The following MAP2K1 variants were observed in gnomAD, a reference collection of about 807,000 sequenced individuals.
MAP2K1 encodes the protein mitogen-activated protein kinase kinase 1.
MAP2K1 carries 16 observed loss-of-function variants against 46.3 expected under a neutral mutation model. The observed-to-expected ratio is 0.35, with a 90% CI of 0.23 to 0.52. MAP2K1 has a LOEUF of 0.52. Ranked by LOEUF, MAP2K1 falls within the 20% of genes least tolerant of loss-of-function variation. The pLI is 0.94. For synonymous variants in MAP2K1, 183 were observed against 185.6 expected (o/e 0.99, Z 0.11); for missense variants, 263 against 497.1 (o/e 0.53, Z 4.48).
intron 1 of MAP2K1, among the ~76,000 whole-genome samples, chr15:66,432,711 G>A (rs377703101): frequency 4.6e-5 from 7 of 152,338 alleles, no homozygotes; most frequent in Admixed American, 2.0e-4. Flanking sequence ...AGATAATATA[G>A]CATCATGGTT....
At chr15:66,471,699 A>G (rs1892636057) in intron 5 of MAP2K1, among the ~76,000 whole-genome samples, 1 of 152,164 alleles carries the variant, frequency 6.6e-6, no homozygotes, top group Admixed American at 6.6e-5. Flanking sequence ...CAGGAAGGAT[A>G]GAAATACAGC....
chr15:66,428,321 TG>T, intron 1 of MAP2K1, among the ~76,000 whole-genome samples: 2 of 89,930 alleles, frequency 2.2e-5, no homozygotes, highest in South Asian at 3.9e-4. Flanking sequence ...TGTGTGTGTG[TG>T]TGTATGAGAG....
intron 1 of MAP2K1, among the ~76,000 whole-genome samples, chr15:66,426,968 TGCC>T (rs1455005212): frequency 2.6e-5 from 4 of 152,240 alleles, no homozygotes; most frequent in Admixed American, 1.3e-4. Context: ...TGTTACTTCT[TGCC>T]TGCATATAAA....
rs1567003067 is a variant in MAP2K1, at chr15:66,420,777, GTGTATATA to G, written c.81-14248_81-14241del. On this transcript the variant is annotated intron_variant, in intron 1 of 10. Coordinates refer to ENST00000307102, the MANE Select transcript of MAP2K1 (RefSeq NM_002755.4). Reference sequence around the variant, plus strand: ...TGTGTGTGTATGTGTGTATATATATGTGTATATATATGTGTGTATATATATGTGTATAT... The same window carrying G: ...TGTGTGTGTATGTGTGTATATATATGTATGTGTGTATATATATGTGTATAT... Among the ~76,000 whole-genome samples, 3 of 31,426 alleles carry G rather than the reference GTGTATATA, an allele frequency of 9.5e-5. 1 individual carries two copies. The highest frequency in any genetic ancestry group is 4.9e-4 in the Admixed American group (1 of 2,026). The allele number at this position is 31,426 out of a possible 152,430, so 20.6% of individuals were successfully genotyped here.
chr15:66,487,733 C>T (rs773627603), intron 8 of MAP2K1, among the ~76,000 whole-genome samples: 1 of 152,066 alleles, frequency 6.6e-6, no homozygotes, highest in Non-Finnish European at 1.5e-5. Flanking sequence ...AGGATTAGTT[C>T]GTCGCTGCTT....
chr15:66,424,064 AT>A (rs55863611), intron 1 of MAP2K1, among the ~76,000 whole-genome samples: 9 of 147,686 alleles, frequency 6.1e-5, no homozygotes, highest in Admixed American at 3.4e-4. Context: ...TGTCTTGTGC[AT>A]TTTTTTTTTG....
intron 5 of MAP2K1, among the ~76,000 whole-genome samples, chr15:66,458,975 G>A (rs1021465727): frequency 2.6e-5 from 4 of 152,100 alleles, no homozygotes; most frequent in African/African-American, 9.7e-5. Context: ...TAAAAACGGG[G>A]CTCTCAGGTC....
At chr15:66,419,704 CTG>C (rs948538056) in intron 1 of MAP2K1, among the ~76,000 whole-genome samples, 2 of 151,794 alleles carry the variant, frequency 1.3e-5, no homozygotes, top group Non-Finnish European at 2.9e-5. Context: ...AGAGGCTCCT[CTG>C]TGTGTGTGTA....
At chr15:66,408,697 C>G (rs2093403934) in intron 1 of MAP2K1, among the ~76,000 whole-genome samples, 1 of 152,122 alleles carries the variant, frequency 6.6e-6, no homozygotes, top group South Asian at 2.1e-4. Flanking sequence ...ATCCAGACAT[C>G]TTCCTCAGTG....
At chr15:66,403,593 A>G (rs1481718187) in intron 1 of MAP2K1, among the ~76,000 whole-genome samples, 2 of 152,146 alleles carry the variant, frequency 1.3e-5, no homozygotes, top group East Asian at 3.8e-4. Flanking sequence ...TCTTAAATGC[A>G]TTTACTTTTC....
chr15:66,466,068 C>T (rs911237025), intron 5 of MAP2K1, among the ~76,000 whole-genome samples: 1 of 152,130 alleles, frequency 6.6e-6, no homozygotes, highest in African/African-American at 2.4e-5. Context: ...TCTTTACTTA[C>T]CACAGGCCAA....
In MAP2K1 at chr15:66,481,813, T is replaced by G; in HGVS notation, c.627T>G (p.Phe209Leu). ...GTGGGGAGATCAAGCTCTGTGACTTTGGGGTCAGCGGGCAGCTCATCGACT... is the reference window on the plus strand; with the variant it reads ...GTGGGGAGATCAAGCTCTGTGACTTGGGGGTCAGCGGGCAGCTCATCGACT... ...NSRGEIKLCD[F>L]GVSGQLIDSM... The change falls in exon 6 of 11, where the codon TTT becomes TTG. Residue 209 changes from phenylalanine (F) to leucine (L), a missense_variant. Around this residue, in one of 4 missense-constraint regions of MAP2K1, gnomAD observed 11 missense variants for 52.6 expected, o/e 0.21. Coordinates refer to ENST00000307102, the MANE Select transcript of MAP2K1 (RefSeq NM_002755.4). The G allele has an allele frequency of 6.2e-7, 1 of 1,613,954 alleles. No individual in the cohort carries two copies.
At chr15:66,400,023 A>C (rs1424764344) in intron 1 of MAP2K1, among the ~76,000 whole-genome samples, 1 of 152,106 alleles carries the variant, frequency 6.6e-6, no homozygotes, top group Admixed American at 6.5e-5. Context: ...TATTCACTAA[A>C]TCTACTTTAT....
chr15:66,461,126 T>G (rs530999128), intron 5 of MAP2K1, among the ~76,000 whole-genome samples: 1 of 152,196 alleles, frequency 6.6e-6, no homozygotes, highest in Non-Finnish European at 1.5e-5. Context: ...GGAATGAAAC[T>G]CAGAGTGAAT....
chr15:66,396,029 G>T (rs893654634), intron 1 of MAP2K1, among the ~76,000 whole-genome samples: 1 of 151,948 alleles, frequency 6.6e-6, no homozygotes, highest in Non-Finnish European at 1.5e-5. Context: ...TGTTTTTGGA[G>T]ATGAGTCTCA....
In MAP2K1 at chr15:66,478,462, A is replaced by ATATATATACACACAGG. The variant is rs1462177903; in HGVS notation, c.569-3285_569-3284insCACACAGGTATATATA. Among the ~76,000 whole-genome samples the ATATATATACACACAGG allele has an allele frequency of 2.7e-4, 36 of 131,214 alleles. No homozygotes were observed. The East Asian group carries it at 4.3e-3, about 16-fold the overall frequency. The allele number at this position is 131,214 out of a possible 152,430, so 86.1% of individuals were successfully genotyped here. A position where few individuals can be genotyped will look rare whatever the true frequency, so the allele number is the denominator to read the frequency against. ...CACAGGTATATATATATACAGGTAT[A>ATATATATACACACAGG]TATATATATATACAGGTGTATATAT... On this transcript the variant is annotated intron_variant, in intron 5 of 10. Coordinates refer to ENST00000307102, the MANE Select transcript of MAP2K1 (RefSeq NM_002755.4).
intron 2 of MAP2K1, 83 bp downstream of exon 2, chr15:66,435,320 A>AT (rs1217468155): frequency 1.5e-5 from 16 of 1,064,610 alleles, no homozygotes; most frequent in Non-Finnish European, 2.2e-5. Context: ...AGGAAGACTG[A>AT]TTTTACTCAA....
chr15:66,479,896 T>C (rs1892873042), intron 5 of MAP2K1, among the ~76,000 whole-genome samples: 1 of 151,766 alleles, frequency 6.6e-6, no homozygotes, highest in Admixed American at 6.6e-5. Context: ...TTTTTTTTTA[T>C]TATTTTTATT....
rs1338225841 is a variant in MAP2K1, at chr15:66,387,180, CCG to C, written c.-167_-166del. ...GGGCGGGGGTCCACTGAGACCGCTA[CCG>C]GCCCCTCGGCGCTGACGGGACCGCG... On this transcript the variant is annotated 5_prime_UTR_variant, in exon 1 of 11. Transcript: ENST00000307102. 3.9e-6 allele frequency: 2 copies of C among 514,798 alleles called. No individual in the cohort carries two copies. The highest frequency in any genetic ancestry group is 7.0e-5 in the East Asian group (2 of 28,640). 31.9% of individuals were successfully genotyped at this position (514,798 alleles called of 1,614,324 possible).
Sources: allele counts gnomAD v4.1 joint callset (sites outside exome capture counted in the v4.1 genomes callset), GRCh38; gene constraint gnomAD v4.1.1; regional missense constraint gnomAD v4.1.1; transcripts MANE v1.5; gene names NCBI Gene and HGNC (gene_info 2026-07-23, HGNC 2026-07-21).